The following NTRK3 variants were observed in gnomAD, a reference collection of about 807,000 sequenced individuals.
NTRK3 encodes NT-3 growth factor receptor.
A neutral mutation model predicts 91.7 loss-of-function variants in NTRK3; 24 were observed. That is an observed-to-expected ratio of 0.26 (90% CI 0.19 to 0.37). The LOEUF (loss-of-function observed/expected upper bound fraction) is 0.37. Ranked by LOEUF, NTRK3 falls within the 10% of genes least tolerant of loss-of-function variation. The pLI is 1.00. For synonymous variants in NTRK3, 483 were observed against 404.0 expected (o/e 1.20, Z -2.34); for missense variants, 880 against 1,068.9 (o/e 0.82, Z 2.46).
At chr15:88,171,158 G>C (rs2045478100) in intron 5 of NTRK3, among the ~76,000 whole-genome samples, 1 of 152,188 alleles carries the variant, frequency 6.6e-6, no homozygotes, top group Non-Finnish European at 1.5e-5. Context: ...GCTGAAGTGG[G>C]CTGCAATGGA....
At position 88,241,322 on chromosome 15, in the gene NTRK3, G is replaced by T. The variant is rs2052329923; in HGVS notation, c.248+14584C>A. Among the ~76,000 whole-genome samples, 1 of 152,210 alleles carries T rather than the reference G, an allele frequency of 6.6e-6. No homozygotes were observed. Among genetic ancestry groups the T allele is most frequent in the Non-Finnish European group, 1.5e-5 (1 of 68,038 alleles). On this transcript the variant is annotated intron_variant, in intron 3 of 18. Transcript: ENST00000394480. The surrounding 1 kb of genome is among the most constrained non-coding windows in gnomAD (Gnocchi z 4.3). ...AGCAGGCAACAGCAGTCCTGAGTGA[G>T]TGACAGAAGGAGGGCAGGGGGATGT... is the stretch of plus-strand genomic sequence containing the variant.
intron 14 of NTRK3, among the ~76,000 whole-genome samples, chr15:87,982,657 T>C (rs1390927835): frequency 7.9e-5 from 12 of 152,186 alleles, no homozygotes; most frequent in East Asian, 3.9e-4. Context: ...AGAAGGGGCA[T>C]TGAGCACCCA....
intron 17 of NTRK3, chr15:87,927,109 A>G (rs958430315): frequency 2.6e-5 from 4 of 152,246 alleles, no homozygotes; most frequent in African/African-American, 7.2e-5. Context: ...CCATCGGTCT[A>G]TGACTACTGC....
intron 13 of NTRK3, among the ~76,000 whole-genome samples, chr15:88,056,967 G>C (rs554361954): frequency 1.3e-5 from 2 of 151,620 alleles, no homozygotes; most frequent in Admixed American, 6.6e-5. Context: ...TCAGGAGATC[G>C]AGACCATCCT....
intron 17 of NTRK3, among the ~76,000 whole-genome samples, chr15:87,890,197 C>A (rs1023329713): frequency 6.6e-6 from 1 of 151,958 alleles, no homozygotes; most frequent in Non-Finnish European, 1.5e-5. Flanking sequence ...CAACACCAGG[C>A]AAACTTCTTT....
At chr15:88,141,075 A>T (rs950009268) in intron 6 of NTRK3, among the ~76,000 whole-genome samples, 1 of 152,068 alleles carries the variant, frequency 6.6e-6, no homozygotes, top group Non-Finnish European at 1.5e-5. Flanking sequence ...GGAAGAGAGG[A>T]CACATTACGA....
chr15:87,887,481 T>A (rs555798801), intron 17 of NTRK3, among the ~76,000 whole-genome samples: 1 of 152,190 alleles, frequency 6.6e-6, no homozygotes, highest in African/African-American at 2.4e-5. Context: ...TAAAAACCCA[T>A]TGAGCATCGT....
chr15:87,863,549 A>G, exon 19 of NTRK3: 1 of 209,750 alleles, frequency 4.8e-6, no homozygotes, highest in Non-Finnish European at 9.4e-6. Flanking sequence ...TATGTGTGTC[A>G]TTTCAAACAA....
chr15:88,092,255 G>A (rs944277881), intron 13 of NTRK3, among the ~76,000 whole-genome samples: 1 of 152,192 alleles, frequency 6.6e-6, no homozygotes. Flanking sequence ...CATTCTTGGA[G>A]GGCTGGGCCA....
intron 14 of NTRK3, among the ~76,000 whole-genome samples, chr15:87,962,492 G>A (rs1255227050): frequency 6.6e-6 from 1 of 152,214 alleles, no homozygotes; most frequent in Non-Finnish European, 1.5e-5. Context: ...GAGAAAACAT[G>A]GCTATCACTT....
rs2051587764 is a variant in NTRK3 at position 88,235,238 on chromosome 15, T to C, written c.248+20668A>G. On this transcript the variant is annotated intron_variant, in intron 3 of 18. Transcript: ENST00000394480. The surrounding 1 kb of genome is among the most constrained non-coding windows in gnomAD (Gnocchi z 5.2). ...AAGGTCCCAGGCCAGAAACGTTGTGTCTTGCACATCACAGAATCACCAACA... is the reference window on the plus strand; with the variant it reads ...AAGGTCCCAGGCCAGAAACGTTGTGCCTTGCACATCACAGAATCACCAACA... Among the ~76,000 whole-genome samples, 1 of 152,184 alleles carries C rather than the reference T, an allele frequency of 6.6e-6. No individual in the cohort carries two copies. Among genetic ancestry groups the C allele is most frequent in the Non-Finnish European group, 1.5e-5 (1 of 68,028 alleles).
At chr15:88,083,985 C>G (rs966429020) in intron 13 of NTRK3, among the ~76,000 whole-genome samples, 1 of 152,100 alleles carries the variant, frequency 6.6e-6, no homozygotes, top group African/African-American at 2.4e-5. Context: ...ATTTTAAAGC[C>G]CCTGTGGATT....
chr15:88,169,938 C>A (rs1398558601), intron 5 of NTRK3, among the ~76,000 whole-genome samples: 1 of 152,116 alleles, frequency 6.6e-6, no homozygotes, highest in African/African-American at 2.4e-5. Flanking sequence ...GCTAAATGCT[C>A]CCAGGGAGCC....
intron 13 of NTRK3, among the ~76,000 whole-genome samples, chr15:88,040,522 C>T (rs1219891899): frequency 6.6e-6 from 1 of 152,236 alleles, no homozygotes; most frequent in Non-Finnish European, 1.5e-5. Flanking sequence ...TACTCACTCC[C>T]TCTTTCAGAT....
At chr15:88,124,236 G>A (rs1230672927) in intron 13 of NTRK3, among the ~76,000 whole-genome samples, 1 of 152,122 alleles carries the variant, frequency 6.6e-6, no homozygotes, top group Non-Finnish European at 1.5e-5. Context: ...CTTTACAATA[G>A]AGGATATTTC....
At position 88,070,047 on chromosome 15, in the gene NTRK3, G is replaced by A. The variant is rs1195453389; in HGVS notation, c.1397-37002C>T. Reference sequence around the variant, plus strand: ...ATCCATCTCACAGCTGTTTCTTTTTGCTCCCTTCTTCCTTCCTGCCAGCAT... The same window carrying A: ...ATCCATCTCACAGCTGTTTCTTTTTACTCCCTTCTTCCTTCCTGCCAGCAT... On this transcript the variant is annotated intron_variant, in intron 13 of 18. Coordinates refer to ENST00000394480, the Ensembl canonical transcript of NTRK3. 2.0e-5 allele frequency among the ~76,000 whole-genome samples: 3 copies of A among 152,248 alleles called. No individual in the cohort carries two copies. In the East Asian group the frequency reaches 5.8e-4, roughly 29 times the overall value.
intron 13 of NTRK3, among the ~76,000 whole-genome samples, chr15:88,103,504 T>C (rs2050384017): frequency 6.6e-6 from 1 of 152,192 alleles, no homozygotes; most frequent in Admixed American, 6.5e-5. Flanking sequence ...TTTTTCTGAT[T>C]CACCAGAGTG....
intron 3 of NTRK3, among the ~76,000 whole-genome samples, chr15:88,226,132 T>G (rs1384715283): frequency 6.6e-6 from 1 of 152,198 alleles, no homozygotes; most frequent in African/African-American, 2.4e-5. Flanking sequence ...GGCCTCAGTT[T>G]CCTCATCTGT....
chr15:87,866,441 A>T, exon 19 of NTRK3: 1 of 167,222 alleles, frequency 6.0e-6, no homozygotes, highest in South Asian at 2.0e-4. Context: ...ATATATATAT[A>T]TATACACACA....
Sources: allele counts gnomAD v4.1 joint callset (sites outside exome capture counted in the v4.1 genomes callset), GRCh38; gene constraint gnomAD v4.1.1; non-coding constraint Gnocchi (gnomAD v3.1); transcripts MANE v1.5; gene names NCBI Gene and HGNC (gene_info 2026-07-23, HGNC 2026-07-21).